The following DCDC2 variants were observed in gnomAD, a reference collection of about 807,000 sequenced individuals.
DCDC2 encodes doublecortin domain-containing protein 2.
In DCDC2, 40 loss-of-function variants were observed where a neutral mutation model predicts 50.2. The observed-to-expected ratio is 0.80, with a 90% CI of 0.62 to 1.04. The LOEUF (loss-of-function observed/expected upper bound fraction) is 1.04, where lower values mean the gene tolerates loss of function less well. Ranked by LOEUF, DCDC2 falls within the 50% of genes least tolerant of loss-of-function variation. The pLI, the probability that DCDC2 is intolerant of heterozygous loss-of-function variation, is 0.00. For synonymous variants in DCDC2, 234 were observed against 210.6 expected (o/e 1.11, Z -0.96); for missense variants, 570 against 581.9 (o/e 0.98, Z 0.21).
chr6:24,315,212 C>A (rs1479326381), intron 2 of DCDC2, among the ~76,000 whole-genome samples: 2 of 151,064 alleles, frequency 1.3e-5, no homozygotes, highest in Non-Finnish European at 2.9e-5. Flanking sequence ...ATAAATAGTC[C>A]CAGATAATGC....
chr6:24,178,251 GATTA>G (rs1347483898), intron 9 of DCDC2, 75 bp downstream of exon 9: 1 of 1,433,604 alleles, frequency 7.0e-7, no homozygotes, highest in South Asian at 1.3e-5. Flanking sequence ...CTAAACACTT[GATTA>G]ATTCTCTGAA....
chr6:24,372,603 C>A, the DCDC2 span, among the ~76,000 whole-genome samples: 3 of 152,198 alleles, frequency 2.0e-5, no homozygotes, highest in East Asian at 5.8e-4. Context: ...ATGATGAGTT[C>A]ATGTCCCTTG....
upstream of DCDC2, among the ~76,000 whole-genome samples, chr6:24,361,985 T>A (rs1163362171): frequency 6.6e-6 from 1 of 152,158 alleles, no homozygotes; most frequent in Non-Finnish European, 1.5e-5. Flanking sequence ...CTCTGTAGTT[T>A]ACTCCAAATA....
intron 7 of DCDC2, among the ~76,000 whole-genome samples, chr6:24,268,102 T>C (rs771310579): frequency 4.6e-5 from 7 of 152,330 alleles, no homozygotes; most frequent in Admixed American, 1.3e-4. Flanking sequence ...AGAAATCCTG[T>C]AGCAGAGACA....
rs140532002 is a variant in DCDC2, at chr6:24,340,840, C to T, written c.348+12729G>A. Among the ~76,000 whole-genome samples, 597 of 152,308 alleles carry T rather than the reference C, an allele frequency of 3.9e-3. 3 individuals are homozygous for T. The highest frequency in any genetic ancestry group is 0.014 in the African/African-American group (565 of 41,566). On this transcript the variant is annotated intron_variant, in intron 2 of 9. Transcript: ENST00000378454. ...TCCCCGGCTCAAGCAATTCTCCTAC[C>T]TCAGCCTCCCGAGTAGCTGGGACTA...
chr6:24,354,751 G>C (rs543659951), intron 1 of DCDC2, among the ~76,000 whole-genome samples: 54 of 152,184 alleles, frequency 3.5e-4, no homozygotes, highest in African/African-American at 1.2e-3. Context: ...AAAGTTTTGG[G>C]GGAAATACTC....
intron 8 of DCDC2, among the ~76,000 whole-genome samples, chr6:24,194,506 T>C (rs1286466772): frequency 1.3e-5 from 2 of 152,218 alleles, no homozygotes; most frequent in Non-Finnish European, 2.9e-5. Flanking sequence ...TCTGTCAAAT[T>C]AAACAAACTC....
intron 7 of DCDC2, among the ~76,000 whole-genome samples, chr6:24,263,707 A>T (rs1763059590): frequency 6.6e-6 from 1 of 152,208 alleles, no homozygotes; most frequent in South Asian, 2.1e-4. Context: ...AAAGAATTTA[A>T]AAAGAATGAA....
chr6:24,332,036 C>T (rs558654894), intron 2 of DCDC2, among the ~76,000 whole-genome samples: 3 of 152,272 alleles, frequency 2.0e-5, no homozygotes, highest in African/African-American at 7.2e-5. Context: ...GTGTGAAATT[C>T]ACAAAGTAAC....
At chr6:24,223,867 C>A (rs1459573723) in intron 7 of DCDC2, among the ~76,000 whole-genome samples, 8 of 152,218 alleles carry the variant, frequency 5.3e-5, no homozygotes, top group Non-Finnish European at 8.8e-5. Context: ...CATTACATAT[C>A]TGAAAGGGCT....
intron 4 of DCDC2, among the ~76,000 whole-genome samples, chr6:24,298,463 G>A (rs1759306879): frequency 6.6e-6 from 1 of 152,184 alleles, no homozygotes; most frequent in African/African-American, 2.4e-5. Flanking sequence ...ACAGGCTCTG[G>A]AGCCGGAATG....
At chr6:24,178,885 C>G (rs1056434056) in intron 8 of DCDC2, among the ~76,000 whole-genome samples, 4 of 152,116 alleles carry the variant, frequency 2.6e-5, no homozygotes, top group African/African-American at 9.7e-5. Context: ...GATGAGAAAA[C>G]TAAACAGGTG....
chr6:24,204,933 G>T, intron 8 of DCDC2, 69 bp downstream of exon 8: 3 of 1,436,276 alleles, frequency 2.1e-6, no homozygotes, highest in Non-Finnish European at 2.9e-6. Flanking sequence ...ATTTGTAGGA[G>T]ATAACACAAA....
At chr6:24,341,519 A>T (rs28707330) in intron 2 of DCDC2, among the ~76,000 whole-genome samples, 11,265 of 48,742 alleles carry the variant, frequency 0.23, 673 homozygotes, top group East Asian at 0.51. Flanking sequence ...ACCTTTTTTT[A>T]AAAAAAAAAA....
At chr6:24,309,303 C>T (rs1224239721) in intron 2 of DCDC2, among the ~76,000 whole-genome samples, 4 of 50,710 alleles carry the variant, frequency 7.9e-5, no homozygotes, top group Non-Finnish European at 1.3e-4. Flanking sequence ...CCAGCCCGGG[C>T]GACACAGTGC....
chr6:24,182,683 G>A (rs772376266), intron 8 of DCDC2, among the ~76,000 whole-genome samples: 11 of 147,974 alleles, frequency 7.4e-5, no homozygotes, highest in Non-Finnish European at 1.3e-4. Flanking sequence ...TGGAGAAACT[G>A]GAACTCCTGG....
At chr6:24,289,001 T>C in intron 5 of DCDC2, 95 bp from the exon 6 acceptor site, 1 of 876,348 alleles carries the variant, frequency 1.1e-6, no homozygotes, top group Non-Finnish European at 1.8e-6. Context: ...AGTCAACTGT[T>C]TACTGCTGTG....
intron 2 of DCDC2, chr6:24,353,264 G>C: frequency 2.1e-6 from 1 of 487,580 alleles, no homozygotes; most frequent in Non-Finnish European, 4.2e-6. Flanking sequence ...ACAACGCTCA[G>C]AATCTTCTCA....
At chr6:24,306,543 T>TAGACAGAC (rs1160445956) in intron 2 of DCDC2, among the ~76,000 whole-genome samples, 12,531 of 115,168 alleles carry the variant, frequency 0.11, 806 homozygotes, top group Admixed American at 0.15. Context: ...GATAGATAGA[T>TAGACAGAC]AGACAGACAG....
Sources: allele counts gnomAD v4.1 joint callset (sites outside exome capture counted in the v4.1 genomes callset), GRCh38; gene constraint gnomAD v4.1.1; transcripts MANE v1.5; gene names NCBI Gene and HGNC (gene_info 2026-07-23, HGNC 2026-07-21).